RBM34: variants seen among roughly 807,000 people sequenced by gnomAD.
RBM34 encodes RNA-binding protein 34.
RBM34 carries 39 observed loss-of-function variants against 44.6 expected under a neutral mutation model. The observed-to-expected ratio is 0.87, with a 90% CI of 0.68 to 1.14. The LOEUF is 1.14. Ranked by LOEUF, RBM34 falls within the 50% of genes most tolerant of loss-of-function variation. The pLI is 0.00. For missense variants in RBM34, 572 were observed against 517.9 expected (o/e 1.10, Z -1.01); for synonymous variants, 194 against 184.0 (o/e 1.05, Z -0.44).
intron 4 of RBM34, among the ~76,000 whole-genome samples, chr1:235,153,616 C>T (rs1480802797): frequency 6.6e-6 from 1 of 151,946 alleles, no homozygotes; most frequent in Non-Finnish European, 1.5e-5. Flanking sequence ...AGTAGAGAAG[C>T]GGTTTCACCA....
rs1200615822 is a variant in RBM34, at chr1:235,138,178, C to CA, written c.702-5dup. 5 of 1,523,514 alleles carry CA rather than the reference C, an allele frequency of 3.3e-6. No homozygotes were observed. The East Asian group carries it at 1.1e-4, about 35-fold the overall frequency. The allele number at this position is 1,523,514 out of a possible 1,614,324, so 94.4% of individuals were successfully genotyped here. On this transcript the variant is annotated splice_region_variant and splice_polypyrimidine_tract_variant and intron_variant, in intron 6 of 10. Coordinates refer to ENST00000408888, the MANE Select transcript of RBM34 (RefSeq NM_015014.4). Reference sequence around the variant, plus strand: ...CTGATCAGGATGAATTTTACGTCTACACCAAAAAAAAAAAAAGAAAGAAAG... The same window carrying CA: ...CTGATCAGGATGAATTTTACGTCTACAACCAAAAAAAAAAAAAGAAAGAAAG...
In RBM34 at chr1:235,148,442, T is replaced by C; in HGVS notation, c.663A>G (p.Pro221=). ...IESVRFRSLI[P]AEGTLSKKLA... The stretch of plus-strand genomic sequence containing the variant: ...ACTTTTTGGATAGCGTTCCCTCTGC[T>C]GGAATCTTTCAAGAGAAAAAAAAAA... Residue 221 remains proline, a synonymous_variant, in exon 6 of 11, where the codon CCA becomes CCG. Coordinates refer to ENST00000408888, the MANE Select transcript of RBM34 (RefSeq NM_015014.4). 6.3e-7 allele frequency: 1 copy of C among 1,590,602 alleles called. No homozygotes were observed. The highest frequency in any genetic ancestry group is 2.3e-5 in the East Asian group (1 of 44,270).
At chr1:235,133,529 A>G (rs976497538) in intron 10 of RBM34, among the ~76,000 whole-genome samples, 1 of 152,222 alleles carries the variant, frequency 6.6e-6, no homozygotes, top group Admixed American at 6.5e-5. Flanking sequence ...GACAAGTTCA[A>G]CTATAAAAAT....
At chr1:235,134,351 G>T (rs1000352419) in intron 10 of RBM34, among the ~76,000 whole-genome samples, 1 of 152,130 alleles carries the variant, frequency 6.6e-6, no homozygotes, top group African/African-American at 2.4e-5. Flanking sequence ...TGTAGAGTCG[G>T]TGTCTACCTA....
chr1:235,145,804 A>C (rs1161979799), intron 6 of RBM34, among the ~76,000 whole-genome samples: 1 of 151,988 alleles, frequency 6.6e-6, no homozygotes, highest in Non-Finnish European at 1.5e-5. Context: ...TTTTGTTTTG[A>C]GAGAGCGGGT....
chr1:235,144,854 G>T (rs951022149), intron 6 of RBM34, among the ~76,000 whole-genome samples: 1 of 152,212 alleles, frequency 6.6e-6, no homozygotes, highest in Non-Finnish European at 1.5e-5. Context: ...AGACCAGCCT[G>T]ACCAACATGG....
In RBM34 at chr1:235,155,118, T is replaced by A. The variant is rs979336058; in HGVS notation, c.366-6A>T. 2 of 1,608,262 alleles carry A rather than the reference T, an allele frequency of 1.2e-6. No individual in the cohort carries two copies. Among genetic ancestry groups the A allele is most frequent in the African/African-American group, 1.3e-5 (1 of 74,418 alleles). ...CACTCGCTAGAGCGCTTTCCCTTTT[T>A]AAGGCAAAAAATAAAATAAGCAGTA... On this transcript the variant is annotated splice_polypyrimidine_tract_variant and splice_region_variant and intron_variant, in intron 3 of 10. Coordinates refer to ENST00000408888, the MANE Select transcript of RBM34 (RefSeq NM_015014.4).
chr1:235,140,362 G>A (rs1042996678), intron 6 of RBM34, among the ~76,000 whole-genome samples: 2 of 152,120 alleles, frequency 1.3e-5, no homozygotes, highest in African/African-American at 2.4e-5. Context: ...TGGGCTTGGC[G>A]GGCCCCGCAC....
At chr1:235,152,982 A>G (rs1041315902) in intron 4 of RBM34, among the ~76,000 whole-genome samples, 1 of 150,186 alleles carries the variant, frequency 6.7e-6, no homozygotes, top group Non-Finnish European at 1.5e-5. Context: ...TGATTCTCAT[A>G]CCTCAGCCTC....
intron 3 of RBM34, among the ~76,000 whole-genome samples, chr1:235,159,912 T>C (rs116286718): frequency 0.047 from 7,118 of 151,630 alleles, 252 homozygotes; most frequent in Non-Finnish European, 0.077. Flanking sequence ...TTTATATACA[T>C]GCTGAAATAT....
In RBM34 at chr1:235,131,631, G is replaced by T; in HGVS notation, c.*82C>A. ...TAAAGAAGTATAAAACTCAACACAT[G>T]AATAGCAGACGATGCTATCAGCAGA... On this transcript the variant is annotated 3_prime_UTR_variant, in exon 11 of 11. Transcript: ENST00000408888. 1 of 1,430,948 alleles carries T rather than the reference G, an allele frequency of 7.0e-7. No homozygotes were observed. The highest frequency in any genetic ancestry group is 1.4e-5 in the South Asian group (1 of 71,218). 88.6% of individuals were successfully genotyped at this position (1,430,948 alleles called of 1,614,324 possible). A position where few individuals can be genotyped will look rare whatever the true frequency, so the allele number is the denominator to read the frequency against.
chr1:235,152,481 C>T lies in RBM34; in HGVS notation c.657+225G>A, dbSNP rs557025096. On this transcript the variant is annotated intron_variant, in intron 5 of 10. Transcript: ENST00000408888. ...TCCACCCTCCAAAGTACATTGCAGG[C>T]TTTCATAGCAAGAGTATCATTTTAT... is the stretch of plus-strand genomic sequence containing the variant. 2.8e-5 allele frequency: 35 copies of T among 1,254,256 alleles called. No homozygotes were observed. The African/African-American group carries it at 5.0e-4, about 18-fold the overall frequency. 77.7% of individuals were successfully genotyped at this position (1,254,256 alleles called of 1,614,324 possible). A position where few individuals can be genotyped will look rare whatever the true frequency, so the allele number is the denominator to read the frequency against.
Position 235,154,660 on chromosome 1 carries a change from G to A in RBM34, c.597+221C>T, listed in dbSNP as rs574661227. ...AAGGCTGAAAGAAAGAAACCAGGCA[G>A]GAGGTCACTGCAATATTCAAATATA... On this transcript the variant is annotated intron_variant, in intron 4 of 10. Coordinates refer to ENST00000408888, the MANE Select transcript of RBM34 (RefSeq NM_015014.4). Among the ~76,000 whole-genome samples, 105 of 152,294 alleles carry A rather than the reference G, an allele frequency of 6.9e-4. 1 individual carries two copies. Among genetic ancestry groups the A allele is most frequent in the African/African-American group, 2.4e-3 (100 of 41,576 alleles).
intron 4 of RBM34, 104 bp downstream of exon 4, chr1:235,154,777 A>T: frequency 1.1e-6 from 1 of 907,004 alleles, no homozygotes; most frequent in Non-Finnish European, 1.7e-6. Flanking sequence ...TTTATGTAAT[A>T]ATTTACAATG....
chr1:235,132,301 T>C (rs1043743019), intron 10 of RBM34, among the ~76,000 whole-genome samples: 1 of 152,112 alleles, frequency 6.6e-6, no homozygotes, highest in Non-Finnish European at 1.5e-5. Context: ...ATATGCAATA[T>C]TGGCTTTTTT....
chr1:235,154,490 G>C (rs898544066), intron 4 of RBM34, among the ~76,000 whole-genome samples: 2 of 152,166 alleles, frequency 1.3e-5, no homozygotes, highest in African/African-American at 4.8e-5. Flanking sequence ...CTTGAGTCCA[G>C]GAGTTTGAGG....
chr1:235,140,675 G>A (rs1402557916), intron 6 of RBM34, among the ~76,000 whole-genome samples: 1 of 152,250 alleles, frequency 6.6e-6, no homozygotes, highest in East Asian at 1.9e-4. Context: ...GCTGGGGAGT[G>A]CAGGCGCACG....
chr1:235,134,314 G>A (rs546199744), intron 10 of RBM34, among the ~76,000 whole-genome samples: 11 of 152,022 alleles, frequency 7.2e-5, no homozygotes, highest in South Asian at 4.2e-4. Flanking sequence ...GTGAGCCACC[G>A]CACCCAGCCT....
At chr1:235,144,794 G>C (rs976580883) in intron 6 of RBM34, among the ~76,000 whole-genome samples, 1 of 152,292 alleles carries the variant, frequency 6.6e-6, no homozygotes, top group South Asian at 2.1e-4. Flanking sequence ...TGTAATCCCA[G>C]CACTTTGGGA....
Sources: gnomAD v4.1 joint callset for allele counts (sites outside exome capture counted in the v4.1 genomes callset) on GRCh38, gnomAD v4.1.1 for gene constraint, MANE v1.5 for transcripts, NCBI Gene and HGNC (gene_info 2026-07-23, HGNC 2026-07-21) for gene names.